Variants in PLCB2 observed in about 807,000 individuals in gnomAD.
The protein encoded by PLCB2 is phospholipase C beta 2.
A neutral mutation model predicts 141.7 loss-of-function variants in PLCB2; 115 were observed. The observed-to-expected ratio is 0.81, with a 90% CI of 0.70 to 0.95. The LOEUF is 0.95. PLCB2 is among the 40% of genes least tolerant of loss of function. The probability of loss-of-function intolerance (pLI) is 0.00; values close to 1 mark genes in which losing one functional copy is unlikely to be tolerated. For missense variants in PLCB2, 1,403 were observed against 1,541.1 expected, an observed-to-expected ratio of 0.91 and a Z score of 1.50; for synonymous variants, 603 against 595.6, an observed-to-expected ratio of 1.01 and a Z score of -0.18.
Position 40,294,404 on chromosome 15 carries a change from C to T in PLCB2, c.1923G>A (p.Gln641=), listed in dbSNP as rs2040094863. ...NFQTMDLPMQ[Q]NMAVFEFNGQ... is the part of the protein sequence containing the mutation. ...CGTTGAACTCAAATACTGCCATGTT[C>T]TGCTGCATGGGCAAGTCTGGAGGGA... The change falls in exon 19 of 32, where the codon CAG becomes CAA. Residue 641 remains glutamine, a synonymous_variant. Coordinates refer to ENST00000260402, the MANE Select transcript of PLCB2 (RefSeq NM_004573.3). 1 of 1,614,070 alleles carries T rather than the reference C, an allele frequency of 6.2e-7. No individual in the cohort carries two copies. The highest frequency in any genetic ancestry group is 1.3e-5 in the African/African-American group (1 of 74,950).
rs979906850 is a variant in PLCB2, at chr15:40,288,468, A to C, written c.*247T>G. The C allele has an allele frequency of 1.6e-6, 2 of 1,260,198 alleles. No individual in the cohort carries two copies. The highest frequency in any genetic ancestry group is 2.0e-6 in the Non-Finnish European group (2 of 1,002,024). 78.1% of individuals were successfully genotyped at this position (1,260,198 alleles called of 1,614,324 possible). On this transcript the variant is annotated 3_prime_UTR_variant, in exon 32 of 32. Coordinates refer to ENST00000260402, the MANE Select transcript of PLCB2 (RefSeq NM_004573.3). ...CAACAAATATATGACACTTATCTAG[A>C]GATGGAGGGGGAGGTAGGAAGTCAG...
Position 40,288,479 on chromosome 15 carries a change from G to C in PLCB2, c.*236C>G. 1 of 1,265,386 alleles carries C rather than the reference G, an allele frequency of 7.9e-7. No homozygotes were observed. Among genetic ancestry groups the C allele is most frequent in the African/African-American group, 1.5e-5 (1 of 66,456 alleles). 78.4% of individuals were successfully genotyped at this position (1,265,386 alleles called of 1,614,324 possible). The stretch of plus-strand genomic sequence containing the variant: ...TGACACTTATCTAGAGATGGAGGGG[G>C]AGGTAGGAAGTCAGCTTGAGAAGAC... On this transcript the variant is annotated 3_prime_UTR_variant, in exon 32 of 32. Transcript: ENST00000260402.
Position 40,291,081 on chromosome 15 carries a change from C to G in PLCB2, c.2973G>C (p.Leu991=). The G allele has an allele frequency of 3.1e-6, 5 of 1,588,684 alleles. No individual in the cohort carries two copies. The highest frequency in any genetic ancestry group is 1.3e-5 in the African/African-American group (1 of 74,758). ...CGTACTGCTCCTCGCCCTGCCGCAGCAGCTCCAGCTCCAGCCTGTCTTTCA... is the reference window on the plus strand; with the variant it reads ...CGTACTGCTCCTCGCCCTGCCGCAGGAGCTCCAGCTCCAGCCTGTCTTTCA... ...RELKDRLELE[L]LRQGEEQYEC... is the part of the protein sequence containing the mutation. The change falls in exon 27 of 32, where the codon CTG becomes CTC. Residue 991 remains leucine, a synonymous_variant. Transcript: ENST00000260402.
chr15:40,305,651 G>A (rs1336157909), intron 1 of PLCB2, among the ~76,000 whole-genome samples: 2 of 152,210 alleles, frequency 1.3e-5, no homozygotes, highest in Non-Finnish European at 2.9e-5. Context: ...ATGCTGGGGG[G>A]ACTTCAAGCA....
chr15:40,300,510 C>T (rs1229114410), intron 7 of PLCB2, among the ~76,000 whole-genome samples: 1 of 152,170 alleles, frequency 6.6e-6, no homozygotes, highest in African/African-American at 2.4e-5. Flanking sequence ...AAAACCCAAA[C>T]ATCTACCAAC....
chr15:40,285,559 G>A (rs1017658620), downstream of PLCB2: 4 of 985,202 alleles, frequency 4.1e-6, no homozygotes, highest in Non-Finnish European at 4.8e-6. Flanking sequence ...CCGCCCCAGA[G>A]CTAGGGCCCC....
At chr15:40,289,812 A>C (rs2039757165) in intron 30 of PLCB2, among the ~76,000 whole-genome samples, 1 of 152,090 alleles carries the variant, frequency 6.6e-6, no homozygotes, top group South Asian at 2.1e-4. Context: ...CCCAACCTCC[A>C]TACACAGGCC....
rs2040305726 is a variant in PLCB2, at chr15:40,297,861, G to A, written c.1238+16C>T. 1.9e-6 allele frequency: 3 copies of A among 1,602,716 alleles called. No individual in the cohort carries two copies. In the East Asian group the frequency reaches 6.7e-5, roughly 36 times the overall value. On this transcript the variant is annotated intron_variant, in intron 12 of 31. Transcript: ENST00000260402. This position sits in a 1 kb window ranked among gnomAD's most constrained non-coding sequence, Gnocchi z 4.2. ...GGGCTGGGTGAGAATGTGGCTGAAT[G>A]GGCCTGGATACGCACGAGTCCACAT...
Position 40,288,688 on chromosome 15 carries a change from G to A in PLCB2, c.*27C>T. 1 of 1,546,658 alleles carries A rather than the reference G, an allele frequency of 6.5e-7. No homozygotes were observed. The highest frequency in any genetic ancestry group is 1.4e-5 in the African/African-American group (1 of 73,136). On this transcript the variant is annotated 3_prime_UTR_variant, in exon 32 of 32. Coordinates refer to ENST00000260402, the MANE Select transcript of PLCB2 (RefSeq NM_004573.3). ...CCCAGAGAAGGGGCTGAACCTCCTT[G>A]CTAAATGTCCCAGTGGGATGGGGGC...
rs571828655 is a variant in PLCB2, at chr15:40,303,287, C to G, written c.231+1G>C. 3 of 1,610,940 alleles carry G rather than the reference C, an allele frequency of 1.9e-6. No individual in the cohort carries two copies. In the African/African-American group the frequency reaches 4.0e-5, roughly 21 times the overall value. On this transcript the variant is annotated splice_donor_variant, in intron 3 of 31. Coordinates refer to ENST00000260402, the MANE Select transcript of PLCB2 (RefSeq NM_004573.3). LOFTEE classifies it high-confidence loss of function. Reference sequence around the variant, plus strand: ...CCTGGGCTGCTACTGGACACACCTACCTTGGGCATCTTGGCAAACTTCCCA... The same window carrying G: ...CCTGGGCTGCTACTGGACACACCTAGCTTGGGCATCTTGGCAAACTTCCCA...
intron 29 of PLCB2, 101 bp from the exon 30 acceptor site, chr15:40,290,183 T>C: frequency 2.5e-6 from 2 of 808,358 alleles, no homozygotes; most frequent in Non-Finnish European, 4.4e-6. Context: ...AAATCCAACA[T>C]AGGGCAGGAA....
rs778139783 is a variant in PLCB2 at position 40,296,838 on chromosome 15, T to A, written c.1394A>T (p.Asn465Ile). The A allele has an allele frequency of 6.8e-6, 11 of 1,613,954 alleles. No individual in the cohort carries two copies. In the East Asian group the frequency reaches 2.5e-4, roughly 36 times the overall value. Residue 465 changes from asparagine (N) to isoleucine (I), a missense_variant, in exon 14 of 32, where the codon AAC becomes ATC. Around this residue, in one of 4 missense-constraint regions of PLCB2, gnomAD observed 975 missense variants for 1,141.1 expected, o/e 0.85. Coordinates refer to ENST00000260402, the MANE Select transcript of PLCB2 (RefSeq NM_004573.3). ...GGAGGAGGTGGGGCCAGAAAACTGG[T>A]TCTTCTTGTTCTTGATGAGGATCTT... is the stretch of plus-strand genomic sequence containing the variant. ...RGKILIKNKK[N>I]QFSGPTSSSK...
chr15:40,304,202 T>C (rs2040678259), intron 1 of PLCB2, 124 bp from the exon 2 acceptor site: 2 of 662,928 alleles, frequency 3.0e-6, no homozygotes, highest in Non-Finnish European at 5.4e-6. Context: ...CTGAAGGCAT[T>C]TCCTTTTGTT....
Position 40,290,774 on chromosome 15 carries a change from C to G in PLCB2, c.3100G>C (p.Glu1034Gln). 2 of 1,613,892 alleles carry G rather than the reference C, an allele frequency of 1.2e-6. No homozygotes were observed. The highest frequency in any genetic ancestry group is 1.7e-6 in the Non-Finnish European group (2 of 1,179,958). Residue 1034 changes from glutamate to glutamine, a missense_variant, in exon 28 of 32, where the codon GAG becomes CAG. Coordinates refer to ENST00000260402, the MANE Select transcript of PLCB2 (RefSeq NM_004573.3). ...AGGCAGTCGTACTTCTCCGACGTCT[C>G]CTTCAGGGCCTTCAGCTCTGCCGCC... ...KQAAELKALK[E>Q]TSENDTKEMK...
chr15:40,291,561 C>T (rs1276262929), intron 25 of PLCB2, 45 bp downstream of exon 25: 1 of 1,611,352 alleles, frequency 6.2e-7, no homozygotes, highest in Non-Finnish European at 8.5e-7. Context: ...GCCCCGGACC[C>T]GCCCCAGGCT....
chr15:40,302,902 C>T (rs775068075), intron 3 of PLCB2, among the ~76,000 whole-genome samples: 4 of 152,230 alleles, frequency 2.6e-5, no homozygotes, highest in Non-Finnish European at 5.9e-5. Context: ...TCTTAGCTCC[C>T]AGTCTCAGGA....
At chr15:40,299,257 GC>G in intron 7 of PLCB2, 29 bp from the exon 8 acceptor site, 1 of 1,434,352 alleles carries the variant, frequency 7.0e-7, no homozygotes, top group Non-Finnish European at 9.8e-7. Context: ...TATTGCCCCT[GC>G]CCTCACCTTC....
Position 40,288,169 on chromosome 15 carries a change from A to AGAGGG in PLCB2, c.*541_*545dup, listed in dbSNP as rs995027061. ...TTTCAGCCTCCCGTTCCGGACAGGC[A>AGAGGG]GAGGGGAGGGGAGGGCCCTCAGCCA... On this transcript the variant is annotated 3_prime_UTR_variant, in exon 32 of 32. Transcript: ENST00000260402. The AGAGGG allele has an allele frequency of 1.0e-6, 1 of 985,512 alleles. No individual in the cohort carries two copies. The highest frequency in any genetic ancestry group is 1.2e-6 in the Non-Finnish European group (1 of 830,080). 61.0% of individuals were successfully genotyped at this position (985,512 alleles called of 1,614,324 possible).
downstream of PLCB2, chr15:40,285,522 T>C (rs990681026): frequency 2.0e-6 from 2 of 984,960 alleles, no homozygotes; most frequent in Admixed American, 6.1e-5. Flanking sequence ...TGCATAGTTA[T>C]TTAGAGTGCA....
Sources: allele counts gnomAD v4.1 joint callset (sites outside exome capture counted in the v4.1 genomes callset), GRCh38; gene constraint gnomAD v4.1.1; regional missense constraint gnomAD v4.1.1; non-coding constraint Gnocchi (gnomAD v3.1); transcripts MANE v1.5; gene names NCBI Gene and HGNC (gene_info 2026-07-23, HGNC 2026-07-21).